The following HPSE2 variants were observed in gnomAD, a reference collection of about 807,000 sequenced individuals.
HPSE2 encodes inactive heparanase-2.
Under a neutral mutation model 60.5 loss-of-function variants are expected in HPSE2, and 38 were observed. The observed-to-expected ratio is 0.63, with a 90% CI of 0.48 to 0.82. The LOEUF is 0.82. HPSE2 is among the 40% of genes least tolerant of loss of function. HPSE2 has a pLI of 0.00. For synonymous variants in HPSE2, 295 were observed against 293.2 expected (o/e 1.01, Z -0.06); for missense variants, 713 against 740.4 (o/e 0.96, Z 0.43).
At chr10:98,853,283 C>G (rs1952227622) in intron 3 of HPSE2, among the ~76,000 whole-genome samples, 1 of 152,092 alleles carries the variant, frequency 6.6e-6, no homozygotes, top group South Asian at 2.1e-4. Flanking sequence ...TGTTTTCCCT[C>G]TTTTTTGCCA....
intron 6 of HPSE2, among the ~76,000 whole-genome samples, chr10:98,682,616 T>C (rs1947815751): frequency 6.6e-6 from 1 of 152,142 alleles, no homozygotes. Context: ...TCATACTACA[T>C]ATCATTAGGC....
the HPSE2 span, among the ~76,000 whole-genome samples, chr10:99,255,895 G>A: frequency 6.6e-6 from 1 of 152,270 alleles, no homozygotes; most frequent in South Asian, 2.1e-4. Flanking sequence ...AAGAAAACAG[G>A]TTTCACTGAC....
intron 11 of HPSE2, among the ~76,000 whole-genome samples, chr10:98,473,976 T>C (rs1940894965): frequency 2.0e-5 from 3 of 152,204 alleles, no homozygotes; most frequent in Non-Finnish European, 1.5e-5. Flanking sequence ...TTACTAACTA[T>C]AGAACTTTCA....
chr10:99,144,435 CTA>C (rs1564842231), intron 2 of HPSE2, 36 bp from the exon 3 acceptor site: 1 of 1,608,110 alleles, frequency 6.2e-7, no homozygotes, highest in Admixed American at 1.7e-5. Context: ...GCAGCAAAAA[CTA>C]AAACAAAACA....
At chr10:98,652,805 C>A (rs1458443535) in intron 6 of HPSE2, among the ~76,000 whole-genome samples, 3 of 152,140 alleles carry the variant, frequency 2.0e-5, no homozygotes, top group African/African-American at 7.2e-5. Flanking sequence ...GGTTATTAAT[C>A]CTGTCTGAAT....
intron 3 of HPSE2, among the ~76,000 whole-genome samples, chr10:98,841,775 C>G (rs1464466509): frequency 9.2e-5 from 14 of 151,672 alleles, no homozygotes; most frequent in Non-Finnish European, 2.1e-4. Context: ...ATGTAAATTT[C>G]ATGACTTTCT....
chr10:98,764,444 G>T (rs1280080399), intron 3 of HPSE2, among the ~76,000 whole-genome samples: 2 of 152,148 alleles, frequency 1.3e-5, no homozygotes, highest in Non-Finnish European at 2.9e-5. Context: ...TCAATAATTA[G>T]ATTAAATGTA....
At chr10:98,881,689 C>A (rs1953028051) in intron 3 of HPSE2, among the ~76,000 whole-genome samples, 3 of 151,980 alleles carry the variant, frequency 2.0e-5, no homozygotes, top group South Asian at 2.1e-4. Context: ...TTGAGAGAGA[C>A]AATAATAAAC....
intron 3 of HPSE2, among the ~76,000 whole-genome samples, chr10:99,026,781 C>T (rs562711297): frequency 6.6e-6 from 1 of 152,100 alleles, no homozygotes; most frequent in East Asian, 1.9e-4. Flanking sequence ...CTTCCCTGAC[C>T]ACAATAGAAT....
At chr10:98,778,264 C>CAGAGAGAGAGAGACAGAG (rs1950385679) in intron 3 of HPSE2, among the ~76,000 whole-genome samples, 2 of 112,654 alleles carry the variant, frequency 1.8e-5, no homozygotes, top group Admixed American at 1.9e-4. Context: ...GAGAGAGAGA[C>CAGAGAGAGAGAGACAGAG]AGAGAGAGAG....
At chr10:99,183,488 A>T (rs1050409996) in intron 2 of HPSE2, among the ~76,000 whole-genome samples, 1 of 152,228 alleles carries the variant, frequency 6.6e-6, no homozygotes, top group African/African-American at 2.4e-5. Context: ...TCAAAAAAGT[A>T]TCAAAGAACA....
intron 3 of HPSE2, among the ~76,000 whole-genome samples, chr10:98,869,954 A>G (rs896610495): frequency 1.3e-5 from 2 of 152,170 alleles, no homozygotes; most frequent in African/African-American, 4.8e-5. Flanking sequence ...AAGAAGATAA[A>G]TGTTTATCAG....
rs376767710 is a variant in HPSE2, at chr10:98,459,549, T to C, written c.*25A>G. The C allele has an allele frequency of 5.0e-6, 8 of 1,613,634 alleles. No individual in the cohort carries two copies. Among genetic ancestry groups the C allele is most frequent in the African/African-American group, 1.3e-5 (1 of 74,902 alleles). On this transcript the variant is annotated 3_prime_UTR_variant, in exon 12 of 12. Transcript: ENST00000370552. Reference sequence around the variant, plus strand: ...AGTGGAAGCAGCCCAGCAGGCCCACTGGTAGCCGTGAGTGTGAGGATAGCT... The same window carrying C: ...AGTGGAAGCAGCCCAGCAGGCCCACCGGTAGCCGTGAGTGTGAGGATAGCT...
chr10:98,983,951 G>C (rs934182659), intron 3 of HPSE2, among the ~76,000 whole-genome samples: 1 of 152,174 alleles, frequency 6.6e-6, no homozygotes, highest in Non-Finnish European at 1.5e-5. Flanking sequence ...GGGGAGGGGC[G>C]ACCCTCATTG....
chr10:98,917,636 T>C (rs1359121853), intron 3 of HPSE2, among the ~76,000 whole-genome samples: 1 of 152,210 alleles, frequency 6.6e-6, no homozygotes, highest in Non-Finnish European at 1.5e-5. Flanking sequence ...GTTTGGTGCC[T>C]GAATGAGGAC....
intron 3 of HPSE2, among the ~76,000 whole-genome samples, chr10:98,802,300 A>T (rs1239020168): frequency 2.0e-5 from 3 of 148,676 alleles, no homozygotes; most frequent in Non-Finnish European, 3.0e-5. Context: ...TTCTCTTTTT[A>T]TTTTTTTTTT....
intron 11 of HPSE2, among the ~76,000 whole-genome samples, chr10:98,460,533 A>G (rs926277675): frequency 1.3e-5 from 2 of 152,122 alleles, no homozygotes; most frequent in Non-Finnish European, 2.9e-5. Flanking sequence ...AGATCACTTG[A>G]GCCTGGGAGG....
chr10:98,505,693 T>C (rs894164608), intron 9 of HPSE2, among the ~76,000 whole-genome samples: 7 of 152,346 alleles, frequency 4.6e-5, no homozygotes, highest in Admixed American at 3.9e-4. Flanking sequence ...CAATCTAGAA[T>C]TGGTCTGGGG....
intron 6 of HPSE2, among the ~76,000 whole-genome samples, chr10:98,653,462 G>C (rs1404038869): frequency 6.7e-6 from 1 of 148,378 alleles, no homozygotes. Flanking sequence ...TTTTAATTGA[G>C]CATTTTATAT....
Sources: gnomAD v4.1 joint callset for allele counts (sites outside exome capture counted in the v4.1 genomes callset) on GRCh38, gnomAD v4.1.1 for gene constraint, MANE v1.5 for transcripts, NCBI Gene and HGNC (gene_info 2026-07-23, HGNC 2026-07-21) for gene names.